The following ARHGAP24 variants were observed in gnomAD, a reference collection of about 807,000 sequenced individuals.
ARHGAP24 encodes the protein rho GTPase-activating protein 24.
ARHGAP24 carries 50 observed loss-of-function variants against 76.4 expected under a neutral mutation model. The observed-to-expected ratio is 0.65, with a 90% CI of 0.52 to 0.83. ARHGAP24 has a LOEUF of 0.83. Among genes scored for constraint, ARHGAP24 ranks in the 40% least tolerant of loss-of-function variants. The pLI, the probability that ARHGAP24 is intolerant of heterozygous loss-of-function variation, is 0.00. For missense variants in ARHGAP24, 930 were observed against 914.2 expected, an observed-to-expected ratio of 1.02 and a Z score of -0.22; for synonymous variants, 345 against 323.3, an observed-to-expected ratio of 1.07 and a Z score of -0.72.
intron 2 of ARHGAP24, among the ~76,000 whole-genome samples, chr4:85,641,054 T>C (rs1721502201): frequency 6.6e-6 from 1 of 152,110 alleles, no homozygotes; most frequent in Non-Finnish European, 1.5e-5. Flanking sequence ...TAAAGAAATT[T>C]CTTTAAGTTA....
chr4:85,842,695 G>A (rs1419605254), intron 3 of ARHGAP24, among the ~76,000 whole-genome samples: 1 of 152,238 alleles, frequency 6.6e-6, no homozygotes, highest in Non-Finnish European at 1.5e-5. Context: ...TAGAAAGCCT[G>A]TGATGTCTGC....
chr4:85,969,646 G>T (rs1421785308), intron 5 of ARHGAP24, among the ~76,000 whole-genome samples: 1 of 151,962 alleles, frequency 6.6e-6, no homozygotes, highest in Non-Finnish European at 1.5e-5. Flanking sequence ...CCAAGCTGTG[G>T]TTTTTTTACT....
At chr4:85,495,928 T>C (rs936819922) in intron 1 of ARHGAP24, among the ~76,000 whole-genome samples, 2 of 152,224 alleles carry the variant, frequency 1.3e-5, no homozygotes, top group Non-Finnish European at 2.9e-5. Flanking sequence ...ACATATTTTA[T>C]AGAATTTGTT....
At chr4:85,723,148 A>T (rs1215483321) in intron 3 of ARHGAP24, 1 of 146,908 alleles carries the variant, frequency 6.8e-6, no homozygotes, top group Non-Finnish European at 1.5e-5. Context: ...CAGATTCCAG[A>T]TGTTACAAAG....
In ARHGAP24 at chr4:85,929,846, G is replaced by T. The variant is rs532703442; in HGVS notation, c.391+6076G>T. 4.5e-4 allele frequency among the ~76,000 whole-genome samples: 68 copies of T among 152,320 alleles called. No individual in the cohort carries two copies. The South Asian group carries it at 5.8e-3, about 13-fold the overall frequency. On this transcript the variant is annotated intron_variant, in intron 4 of 9. Coordinates refer to ENST00000395184, the MANE Select transcript of ARHGAP24 (RefSeq NM_001025616.3). ...AGAAAGTAAAACTTGTATGGGAGGG[G>T]AATAAATGCAGGTATGAAGGGGCAA...
intron 2 of ARHGAP24, among the ~76,000 whole-genome samples, chr4:85,590,202 C>T (rs1303961139): frequency 7.5e-5 from 5 of 66,492 alleles, no homozygotes; most frequent in African/African-American, 2.4e-4. Context: ...GCCTTCCTTC[C>T]TTCCTTCCTT....
At chr4:85,875,059 T>TA (rs1413988188) in intron 3 of ARHGAP24, among the ~76,000 whole-genome samples, 7 of 1,754 alleles carry the variant, frequency 4.0e-3, no homozygotes, top group Admixed American at 0.014. Flanking sequence ...TATAATATAT[T>TA]TGTTTTATAT....
chr4:85,809,907 A>G (rs1282002952), intron 3 of ARHGAP24, among the ~76,000 whole-genome samples: 2 of 152,212 alleles, frequency 1.3e-5, no homozygotes, highest in African/African-American at 4.8e-5. Flanking sequence ...TTGAAAGCAC[A>G]TGGTCTTTGG....
At chr4:85,716,468 A>T (rs1482554939) in intron 2 of ARHGAP24, among the ~76,000 whole-genome samples, 1 of 152,108 alleles carries the variant, frequency 6.6e-6, no homozygotes, top group Non-Finnish European at 1.5e-5. Context: ...CTGGTTAATT[A>T]TTGTCATGAA....
intron 3 of ARHGAP24, among the ~76,000 whole-genome samples, chr4:85,781,375 A>G (rs932522265): frequency 6.6e-6 from 1 of 152,214 alleles, no homozygotes; most frequent in Non-Finnish European, 1.5e-5. Flanking sequence ...AAATGATAGT[A>G]GTCACTTTTA....
chr4:85,697,770 C>A (rs1723924292), intron 2 of ARHGAP24, among the ~76,000 whole-genome samples: 2 of 152,106 alleles, frequency 1.3e-5, no homozygotes, highest in African/African-American at 4.8e-5. Context: ...ATAAGAAAAA[C>A]TCAGGAAGTG....
chr4:85,953,638 A>ATT (rs567273059), intron 5 of ARHGAP24, among the ~76,000 whole-genome samples: 1,865 of 145,656 alleles, frequency 0.013, 31 homozygotes, highest in African/African-American at 0.044. Flanking sequence ...TCCACAGGCG[A>ATT]TTTTTTTTTT....
At chr4:85,736,391 G>A (rs190377247) in intron 3 of ARHGAP24, among the ~76,000 whole-genome samples, 6 of 152,112 alleles carry the variant, frequency 3.9e-5, no homozygotes, top group East Asian at 3.9e-4. Context: ...AAAGAAAGAA[G>A]GAAGGAAGGA....
At chr4:85,557,428 C>T (rs949623983) in intron 1 of ARHGAP24, among the ~76,000 whole-genome samples, 7 of 152,148 alleles carry the variant, frequency 4.6e-5, no homozygotes, top group African/African-American at 1.4e-4. Flanking sequence ...GTCTGGAGGC[C>T]GCAGCAGGGG....
chr4:85,658,617 T>C (rs1378709962), intron 2 of ARHGAP24, among the ~76,000 whole-genome samples: 1 of 152,226 alleles, frequency 6.6e-6, no homozygotes, highest in East Asian at 1.9e-4. Flanking sequence ...GGGGCTGAAT[T>C]AGGTCTAGCC....
chr4:85,571,546 A>G (rs2109964492), intron 2 of ARHGAP24, among the ~76,000 whole-genome samples: 1 of 152,272 alleles, frequency 6.6e-6, no homozygotes, highest in South Asian at 2.1e-4. Flanking sequence ...TCTTGAGGCT[A>G]TTTCCTCTTG....
chr4:85,632,925 T>C (rs998299287), intron 2 of ARHGAP24, among the ~76,000 whole-genome samples: 1 of 151,976 alleles, frequency 6.6e-6, no homozygotes. Flanking sequence ...TAGACTTTCA[T>C]AGGCTCATTG....
At chr4:85,913,752 G>A (rs1735215331) in intron 3 of ARHGAP24, among the ~76,000 whole-genome samples, 1 of 152,110 alleles carries the variant, frequency 6.6e-6, no homozygotes, top group Non-Finnish European at 1.5e-5. Flanking sequence ...TGAATCAAAG[G>A]ATATAAAAGT....
intron 3 of ARHGAP24, among the ~76,000 whole-genome samples, chr4:85,817,880 C>T (rs1578257782): frequency 6.6e-6 from 1 of 152,212 alleles, no homozygotes; most frequent in Admixed American, 6.5e-5. Context: ...GTCCCTATCA[C>T]TCTTTAGATT....
Sources: allele counts gnomAD v4.1 joint callset (sites outside exome capture counted in the v4.1 genomes callset), GRCh38; gene constraint gnomAD v4.1.1; transcripts MANE v1.5; gene names NCBI Gene and HGNC (gene_info 2026-07-23, HGNC 2026-07-21).